The following NEDD4L variants were observed in gnomAD, a reference collection of about 807,000 sequenced individuals.
The protein encoded by NEDD4L is NEDD4 like E3 ubiquitin protein ligase, also known as E3 ubiquitin-protein ligase NEDD4-like.
NEDD4L carries 54 observed loss-of-function variants against 148.9 expected under a neutral mutation model. The ratio of observed to expected loss-of-function variants is 0.36; its 90% CI spans 0.29 to 0.45. The LOEUF (loss-of-function observed/expected upper bound fraction) is 0.45. Ranked by LOEUF, NEDD4L falls within the 20% of genes least tolerant of loss-of-function variation. The probability of loss-of-function intolerance (pLI) is 1.00; values close to 1 mark genes in which losing one functional copy is unlikely to be tolerated. For synonymous variants in NEDD4L, 433 were observed against 440.7 expected, an observed-to-expected ratio of 0.98 and a Z score of 0.22; for missense variants, 856 against 1,233.8, an observed-to-expected ratio of 0.69 and a Z score of 4.59.
At chr18:58,076,256 T>A (rs1363692996) in intron 1 of NEDD4L, among the ~76,000 whole-genome samples, 1 of 152,176 alleles carries the variant, frequency 6.6e-6, no homozygotes, top group South Asian at 2.1e-4. Context: ...GTAATTTGAG[T>A]TGCATAAACT....
At chr18:58,234,873 G>C (rs964403522) in intron 2 of NEDD4L, among the ~76,000 whole-genome samples, 2 of 152,118 alleles carry the variant, frequency 1.3e-5, no homozygotes, top group African/African-American at 4.8e-5. Context: ...GTGTCACCTG[G>C]GGGGCTGCCT....
intron 1 of NEDD4L, among the ~76,000 whole-genome samples, chr18:58,116,535 A>T (rs368114495): frequency 6.6e-6 from 1 of 152,212 alleles, no homozygotes. Flanking sequence ...GGGCCAGCTC[A>T]TGGGTTGTAA....
chr18:58,161,652 A>G (rs1421369174), intron 1 of NEDD4L, among the ~76,000 whole-genome samples: 1 of 152,022 alleles, frequency 6.6e-6, no homozygotes. Flanking sequence ...TGCTATAACA[A>G]CTTTTGGTTT....
At chr18:58,198,158 G>T (rs1036644964) in intron 2 of NEDD4L, among the ~76,000 whole-genome samples, 2 of 152,080 alleles carry the variant, frequency 1.3e-5, no homozygotes, top group African/African-American at 2.4e-5. Flanking sequence ...TGTTTATGTC[G>T]AGAACTTTAC....
intron 1 of NEDD4L, among the ~76,000 whole-genome samples, chr18:58,110,631 G>T (rs758027806): frequency 1.6e-4 from 25 of 152,322 alleles, no homozygotes; most frequent in Non-Finnish European, 3.5e-4. Context: ...CACCCACGAT[G>T]GACCTGCCCT....
chr18:58,208,425 G>A (rs373191743), intron 2 of NEDD4L, among the ~76,000 whole-genome samples: 2 of 152,184 alleles, frequency 1.3e-5, no homozygotes, highest in Admixed American at 6.5e-5. Flanking sequence ...AAATGGAAAC[G>A]TGAGTCCAAA....
intron 1 of NEDD4L, among the ~76,000 whole-genome samples, chr18:58,072,872 GCACACACACACACACACACA>G (rs766485355): frequency 7.6e-6 from 1 of 131,558 alleles, no homozygotes; most frequent in African/African-American, 3.2e-5. Context: ...GCGCGCGCGC[GCACACACACACACACACACA>G]CACACACACA....
chr18:58,295,313 G>T (rs2055394834), intron 5 of NEDD4L, among the ~76,000 whole-genome samples: 1 of 152,120 alleles, frequency 6.6e-6, no homozygotes, highest in African/African-American at 2.4e-5. Flanking sequence ...TCCTTTTACT[G>T]ATTTTTACAG....
chr18:58,369,937 G>A (rs1021931054), intron 22 of NEDD4L, among the ~76,000 whole-genome samples: 2 of 152,166 alleles, frequency 1.3e-5, no homozygotes, highest in African/African-American at 4.8e-5. Flanking sequence ...AATTTCACCT[G>A]GCCTTTCACT....
intron 1 of NEDD4L, among the ~76,000 whole-genome samples, chr18:58,067,880 G>A (rs980218948): frequency 3.3e-5 from 5 of 152,306 alleles, no homozygotes; most frequent in Non-Finnish European, 4.4e-5. Flanking sequence ...TATCTGTGTC[G>A]AGGTTGGGAA....
chr18:58,194,071 C>G (rs1416647271), intron 2 of NEDD4L: 1 of 152,242 alleles, frequency 6.6e-6, no homozygotes, highest in African/African-American at 2.4e-5. Context: ...TCGTTAGTGG[C>G]CTGATTACGA....
At chr18:58,223,974 T>G (rs759033827) in intron 2 of NEDD4L, among the ~76,000 whole-genome samples, 1 of 152,060 alleles carries the variant, frequency 6.6e-6, no homozygotes, top group African/African-American at 2.4e-5. Flanking sequence ...GGCAGTGGGA[T>G]GTGGGCAGGC....
intron 22 of NEDD4L, among the ~76,000 whole-genome samples, chr18:58,368,909 A>G (rs1009057226): frequency 3.9e-5 from 6 of 152,178 alleles, no homozygotes; most frequent in African/African-American, 1.4e-4. Context: ...ATTCACTCCA[A>G]CTTTCTCAGA....
chr18:58,185,327 A>C (rs1224831196), intron 2 of NEDD4L, among the ~76,000 whole-genome samples: 1 of 152,206 alleles, frequency 6.6e-6, no homozygotes, highest in African/African-American at 2.4e-5. Context: ...CGTATGAAAC[A>C]CTTTAAAACT....
chr18:58,180,544 T>G (rs921029705), intron 2 of NEDD4L, among the ~76,000 whole-genome samples: 4 of 152,226 alleles, frequency 2.6e-5, no homozygotes, highest in Non-Finnish European at 5.9e-5. Context: ...CTGCCCCTCC[T>G]TGGCTCTGCC....
At chr18:58,291,884 C>T (rs2054811681) in intron 5 of NEDD4L, among the ~76,000 whole-genome samples, 1 of 152,106 alleles carries the variant, frequency 6.6e-6, no homozygotes, top group African/African-American at 2.4e-5. Flanking sequence ...GCCTTCCAGC[C>T]ACCCCCTTCC....
chr18:58,066,457 C>G (rs1329946967), intron 1 of NEDD4L, among the ~76,000 whole-genome samples: 1 of 134,590 alleles, frequency 7.4e-6, no homozygotes, highest in Non-Finnish European at 1.5e-5. Context: ...GTGGCATGAT[C>G]TCAGCTTACT....
chr18:58,335,961 C>G (rs968828732), intron 13 of NEDD4L: 1 of 166,064 alleles, frequency 6.0e-6, no homozygotes. Flanking sequence ...CTTCTCTTTT[C>G]TGTATCTCCC....
intron 2 of NEDD4L, among the ~76,000 whole-genome samples, chr18:58,228,223 C>T (rs1033943638): frequency 1.3e-5 from 2 of 151,864 alleles, no homozygotes; most frequent in Admixed American, 1.3e-4. Flanking sequence ...AAGGAGCTTC[C>T]AGACCAATAG....
Sources: gnomAD v4.1 joint callset for allele counts (sites outside exome capture counted in the v4.1 genomes callset) on GRCh38, gnomAD v4.1.1 for gene constraint, MANE v1.5 for transcripts, NCBI Gene and HGNC (gene_info 2026-07-23, HGNC 2026-07-21) for gene names.